EFCAB12: variants seen among roughly 807,000 people sequenced by gnomAD.
EFCAB12 encodes EF-hand calcium binding domain 12.
EFCAB12 carries 43 observed loss-of-function variants against 53.6 expected under a neutral mutation model. That is an observed-to-expected ratio of 0.80 (90% CI 0.63 to 1.03). The LOEUF is 1.03. EFCAB12 is among the 50% of genes least tolerant of loss of function. The probability of loss-of-function intolerance (pLI) is 0.00; values close to 1 mark genes in which losing one functional copy is unlikely to be tolerated. For synonymous variants in EFCAB12, 269 were observed against 289.2 expected (o/e 0.93, Z 0.71); for missense variants, 646 against 730.6 (o/e 0.88, Z 1.34).
At chr3:129,424,510 C>T (rs1490082658) in intron 1 of EFCAB12, among the ~76,000 whole-genome samples, 1 of 152,214 alleles carries the variant, frequency 6.6e-6, no homozygotes. Flanking sequence ...TTGTAAGTTT[C>T]CTGAGGCCTC....
chr3:129,407,788 C>T (rs1328494581), intron 6 of EFCAB12, among the ~76,000 whole-genome samples: 1 of 152,186 alleles, frequency 6.6e-6, no homozygotes, highest in African/African-American at 2.4e-5. Context: ...GTGGTGCGCA[C>T]CTTTAGTCCC....
intron 1 of EFCAB12, among the ~76,000 whole-genome samples, chr3:129,426,649 C>T (rs190282717): frequency 5.0e-4 from 76 of 151,460 alleles, no homozygotes; most frequent in Non-Finnish European, 7.5e-4. Flanking sequence ...CAGGCGTGAG[C>T]CACGGCGCCC....
At chr3:129,402,021 G>A (rs151123873) in intron 8 of EFCAB12, among the ~76,000 whole-genome samples, 170 bp from the exon 9 acceptor site, 2 of 152,290 alleles carry the variant, frequency 1.3e-5, no homozygotes, top group African/African-American at 2.4e-5. Flanking sequence ...TTATCCTGTC[G>A]ACCTCACCTG....
chr3:129,411,183 T>C lies in EFCAB12; in HGVS notation c.1010A>G (p.Tyr337Cys). Residue 337 changes from tyrosine to cysteine, a missense_variant, in exon 5 of 9, where the codon TAC becomes TGC. Transcript: ENST00000505956. ...LEEMEEVGKR[Y>C]RERQRQHKLT... ...CTTGTGCTGTCGCTGCCGCTCGCGG[T>C]ACCGCTTGCCCACTTCCTCCATCTC... 6.2e-7 allele frequency: 1 copy of C among 1,606,986 alleles called. No individual in the cohort carries two copies. The highest frequency in any genetic ancestry group is 8.5e-7 in the Non-Finnish European group (1 of 1,176,706).
At chr3:129,426,409 G>A (rs2072273623) in intron 1 of EFCAB12, among the ~76,000 whole-genome samples, 1 of 127,482 alleles carries the variant, frequency 7.8e-6, no homozygotes, top group African/African-American at 3.0e-5. Flanking sequence ...CTGTTTCCCA[G>A]GCTAAAGTGC....
Position 129,408,866 on chromosome 3 carries a change from G to C in EFCAB12, c.1036-8C>G. On this transcript the variant is annotated splice_polypyrimidine_tract_variant and splice_region_variant and intron_variant, in intron 5 of 8. Transcript: ENST00000505956. ...GATGGAGGGGATCGTGAGCTGCGAA[G>C]GAAGCAGAAAGGGGCTCGCCCTTCT... 1 of 1,561,618 alleles carries C rather than the reference G, an allele frequency of 6.4e-7. No individual in the cohort carries two copies.
intron 2 of EFCAB12, among the ~76,000 whole-genome samples, chr3:129,419,021 C>CT (rs1254198777): frequency 1.3e-5 from 2 of 152,134 alleles, no homozygotes; most frequent in East Asian, 3.9e-4. Context: ...TCCCAGGGTG[C>CT]TTATTATAAT....
chr3:129,421,453 G>T lies in EFCAB12; in HGVS notation c.400C>A (p.Pro134Thr). The T allele has an allele frequency of 6.2e-7, 1 of 1,614,016 alleles. No homozygotes were observed. Among genetic ancestry groups the T allele is most frequent in the Non-Finnish European group, 8.5e-7 (1 of 1,179,896 alleles). Residue 134 changes from proline (P) to threonine (T), a missense_variant, in exon 2 of 9, where the codon CCT becomes ACT. Physicochemically the swap from Pro to Thr is conservative, Grantham distance 38. Coordinates refer to ENST00000505956, the MANE Select transcript of EFCAB12 (RefSeq NM_207307.3). Reference sequence around the variant, plus strand: ...ATGTGTAAGACCTTGGCCTCTGAAGGCGTGATGCTGGGCTTGTTCTCCAGC... The same window carrying T: ...ATGTGTAAGACCTTGGCCTCTGAAGTCGTGATGCTGGGCTTGTTCTCCAGC... Reference protein sequence around the residue: ...RWLENKPSITPSEAKVLHMIH... With the variant: ...RWLENKPSITTSEAKVLHMIH...
rs747911030 is a variant in EFCAB12, at chr3:129,408,671, G to A, written c.1223C>T (p.Pro408Leu). Reference sequence around the variant, plus strand: ...TTTCATGAGGATGTCCTCTGTCAGCGGGAGGCCATAGGACTTACAGAGCTT... The same window carrying A: ...TTTCATGAGGATGTCCTCTGTCAGCAGGAGGCCATAGGACTTACAGAGCTT... ...CWKLCKSYGL[P>L]LTEDILMKAL... The change falls in exon 6 of 9, where the codon CCG becomes CTG. Residue 408 changes from proline (P) to leucine (L), a missense_variant. Pro to Leu is a moderately conservative substitution (Grantham distance 98). Transcript: ENST00000505956. 3.7e-5 allele frequency: 59 copies of A among 1,581,766 alleles called. No homozygotes were observed. Among genetic ancestry groups the A allele is most frequent in the East Asian group, 3.7e-4 (16 of 43,482 alleles).
rs1577032446 is a variant in EFCAB12, at chr3:129,401,415, C to T, written c.*178G>A. 1.2e-6 allele frequency: 1 copy of T among 820,012 alleles called. No homozygotes were observed. 50.8% of individuals were successfully genotyped at this position (820,012 alleles called of 1,614,324 possible). A position where few individuals can be genotyped will look rare whatever the true frequency, so the allele number is the denominator to read the frequency against. On this transcript the variant is annotated 3_prime_UTR_variant, in exon 9 of 9. Coordinates refer to ENST00000505956, the MANE Select transcript of EFCAB12 (RefSeq NM_207307.3). ...ACTGCACGTCATTCCTTGGACACAT[C>T]TACCCTCTGAGACACTGGACACTTT...
In EFCAB12 at chr3:129,428,556, T is replaced by C. The variant is rs2072298641; in HGVS notation, c.-68A>G. ...GTGTGTCGATGTGGGCTTGCTTGCG[T>C]AGGGGTACCGGGGTATCAGATAAAC... On this transcript the variant is annotated 5_prime_UTR_variant, in exon 1 of 9. Transcript: ENST00000505956. 1 of 1,562,706 alleles carries C rather than the reference T, an allele frequency of 6.4e-7. No homozygotes were observed. The highest frequency in any genetic ancestry group is 1.9e-5 in the Admixed American group (1 of 53,758).
At chr3:129,402,343 G>A (rs1003686250) in intron 8 of EFCAB12, among the ~76,000 whole-genome samples, 180 bp downstream of exon 8, 9 of 152,130 alleles carry the variant, frequency 5.9e-5, no homozygotes, top group Admixed American at 3.9e-4. Flanking sequence ...CTGAGTGAGT[G>A]AACACATGGA....
At chr3:129,419,205 T>C (rs147507728) in intron 2 of EFCAB12, among the ~76,000 whole-genome samples, 16 of 152,348 alleles carry the variant, frequency 1.1e-4, no homozygotes, top group African/African-American at 3.6e-4. Flanking sequence ...CATGTGACTA[T>C]TGAGCACTCA....
intron 1 of EFCAB12, among the ~76,000 whole-genome samples, chr3:129,426,176 T>C (rs1453450308): frequency 1.3e-5 from 2 of 152,144 alleles, no homozygotes; most frequent in African/African-American, 4.8e-5. Flanking sequence ...AGGTTGTTGC[T>C]TCCAGGCTTA....
rs377572080 is a variant in EFCAB12 at position 129,418,362 on chromosome 3, G to A, written c.573C>T (p.Tyr191=). The change falls in exon 3 of 9, where the codon TAC becomes TAT. Residue 191 remains tyrosine, a synonymous_variant. Transcript: ENST00000505956. ...LPEPPALSVM[Y]SYLHSRKIKI... Reference sequence around the variant, plus strand: ...TGATCTTGCGGCTATGCAGGTAGGAGTACATGACCGACAGGGCAGGGGGCT... The same window carrying A: ...TGATCTTGCGGCTATGCAGGTAGGAATACATGACCGACAGGGCAGGGGGCT... 3 of 1,613,884 alleles carry A rather than the reference G, an allele frequency of 1.9e-6. No homozygotes were observed. The Admixed American group carries it at 5.0e-5, about 27-fold the overall frequency.
intron 1 of EFCAB12, among the ~76,000 whole-genome samples, chr3:129,427,314 C>T (rs903889607): frequency 2.0e-5 from 3 of 152,176 alleles, no homozygotes; most frequent in Non-Finnish European, 2.9e-5. Flanking sequence ...TAAACTCAAC[C>T]AACCAAGACT....
At chr3:129,408,884 G>T in intron 5 of EFCAB12, 26 bp from the exon 6 acceptor site, 1 of 1,551,572 alleles carries the variant, frequency 6.4e-7, no homozygotes, top group East Asian at 2.4e-5. Flanking sequence ...AAAGGGGCTC[G>T]CCCTTCTCTC....
chr3:129,426,016 C>T (rs1156660204), intron 1 of EFCAB12, among the ~76,000 whole-genome samples: 1 of 152,226 alleles, frequency 6.6e-6, no homozygotes, highest in Non-Finnish European at 1.5e-5. Flanking sequence ...CTTGTTCTCT[C>T]TTTTCTCAGA....
intron 8 of EFCAB12, 112 bp from the exon 9 acceptor site, chr3:129,401,963 G>T: frequency 7.2e-7 from 1 of 1,389,668 alleles, no homozygotes; most frequent in African/African-American, 1.4e-5. Flanking sequence ...ACTGTGCCAA[G>T]CACTTCAGCA....
Sources: allele counts gnomAD v4.1 joint callset (sites outside exome capture counted in the v4.1 genomes callset), GRCh38; gene constraint gnomAD v4.1.1; transcripts MANE v1.5; gene names NCBI Gene and HGNC (gene_info 2026-07-23, HGNC 2026-07-21).